SZT2: variants seen among roughly 807,000 people sequenced by gnomAD.
SZT2 encodes SZT2 subunit of KICSTOR complex, also known as KICSTOR complex protein SZT2.
In SZT2, 216 loss-of-function variants were observed where a neutral mutation model predicts 404.2. That is an observed-to-expected ratio of 0.53 (90% CI 0.48 to 0.60). The LOEUF is 0.60. Among genes scored for constraint, SZT2 ranks in the 20% least tolerant of loss-of-function variants. SZT2 has a pLI of 0.00. For synonymous variants in SZT2, 1,693 were observed against 1,749.9 expected (o/e 0.97, Z 0.81); for missense variants, 3,857 against 4,459.2 (o/e 0.86, Z 3.85).
At position 43,441,712 on chromosome 1, in the gene SZT2, G is replaced by A. The variant is rs781456960; in HGVS notation, c.7636G>A (p.Ala2546Thr). Residue 2546 changes from alanine to threonine, a missense_variant, in exon 55 of 72, where the codon GCC (alanine) becomes ACC (threonine). By Grantham distance (58) the Ala-to-Thr change is moderately conservative. Around this residue, in one of 7 missense-constraint regions of SZT2, gnomAD observed 573 missense variants for 592.4 expected, o/e 0.97. Coordinates refer to ENST00000634258, the MANE Select transcript of SZT2 (RefSeq NM_001365999.1). The surrounding 1 kb of genome is among the most constrained non-coding windows in gnomAD (Gnocchi z 4.8). Reference sequence around the variant, plus strand: ...TTGTGCCTCAGTGTCCAGAAGCTCTGCCCACATGGTGTCCCGGTTCCTCCT... The same window carrying A: ...TTGTGCCTCAGTGTCCAGAAGCTCTACCCACATGGTGTCCCGGTTCCTCCT... ...IGCASVSRSS[A>T]HMVSRFLLPS... 1.2e-6 allele frequency: 2 copies of A among 1,614,112 alleles called. No homozygotes were observed. The highest frequency in any genetic ancestry group is 1.1e-5 in the South Asian group (1 of 91,080).
chr1:43,424,728 C>A lies in SZT2; in HGVS notation c.2472-56C>A. Reference sequence around the variant, plus strand: ...GGTGTATGTGGGGAGAGCTTGTAGTCTCAGTGTCTCTTCTTCCCTTATCCT... The same window carrying A: ...GGTGTATGTGGGGAGAGCTTGTAGTATCAGTGTCTCTTCTTCCCTTATCCT... On this transcript the variant is annotated intron_variant, in intron 16 of 71. Transcript: ENST00000634258. The surrounding 1 kb of genome is among the most constrained non-coding windows in gnomAD (Gnocchi z 4.1). 6.8e-7 allele frequency: 1 copy of A among 1,465,936 alleles called. No homozygotes were observed. The highest frequency in any genetic ancestry group is 9.5e-7 in the Non-Finnish European group (1 of 1,048,424). 90.8% of individuals were successfully genotyped at this position (1,465,936 alleles called of 1,614,324 possible). A position where few individuals can be genotyped will look rare whatever the true frequency, so the allele number is the denominator to read the frequency against.
intron 42 of SZT2, 58 bp downstream of exon 42, chr1:43,435,387 C>T (rs1053866887): frequency 1.4e-5 from 22 of 1,595,828 alleles, no homozygotes; most frequent in Admixed American, 6.8e-5. Flanking sequence ...TTTCTTTTAC[C>T]GAATACTCTG....
rs750701634 is a variant in SZT2 at position 43,450,897 on chromosome 1, T to G, written c.*417T>G. ...AGCCTTCGGGTCTTCACTTCCCACT[T>G]GGACATCACTGCTGGACATTCCCAT... On this transcript the variant is annotated 3_prime_UTR_variant, in exon 72 of 72. Transcript: ENST00000634258. The surrounding 1 kb of genome is among the most constrained non-coding windows in gnomAD (Gnocchi z 4.3). 2 of 737,594 alleles carry G rather than the reference T, an allele frequency of 2.7e-6. No homozygotes were observed. The highest frequency in any genetic ancestry group is 3.4e-5 in the Admixed American group (2 of 58,140). The allele number at this position is 737,594 out of a possible 1,614,324, so 45.7% of individuals were successfully genotyped here.
chr1:43,420,779 T>C lies in SZT2; in HGVS notation c.1292T>C (p.Leu431Pro). 1 of 1,598,436 alleles carries C rather than the reference T, an allele frequency of 6.3e-7. No individual in the cohort carries two copies. Among genetic ancestry groups the C allele is most frequent in the Non-Finnish European group, 8.5e-7 (1 of 1,179,806 alleles). Residue 431 changes from leucine to proline, a missense_variant, in exon 10 of 72, where the codon CTG (leucine) becomes CCG (proline). Coordinates refer to ENST00000634258, the MANE Select transcript of SZT2 (RefSeq NM_001365999.1). The surrounding 1 kb of genome is among the most constrained non-coding windows in gnomAD (Gnocchi z 5.1). Reference protein sequence around the residue: ...GGSQLEVKLVLLWKHNMRIEY... With the variant: ...GGSQLEVKLVPLWKHNMRIEY... ...TCCCAATTGGAGGTAAAGCTGGTGC[T>C]GCTGTGGAAACACAACATGCGCATT...
chr1:43,428,127 G>C lies in SZT2; in HGVS notation c.3919+9G>C, dbSNP rs1445463808. ...GCGGTGCTATGTCCGTGGTGAGCAG[G>C]AGGGCCGTGGGAGGGAGGAGTGGGG... On this transcript the variant is annotated intron_variant, in intron 27 of 71. Coordinates refer to ENST00000634258, the MANE Select transcript of SZT2 (RefSeq NM_001365999.1). 1 of 1,613,026 alleles carries C rather than the reference G, an allele frequency of 6.2e-7. No individual in the cohort carries two copies. Among genetic ancestry groups the C allele is most frequent in the Non-Finnish European group, 8.5e-7 (1 of 1,179,172 alleles).
In SZT2 at chr1:43,430,732, G is replaced by C; in HGVS notation, c.4717G>C (p.Val1573Leu). ...GCTCTTCCTGCACCTCACGTGCTCC[G>C]TGCGGCTACGTGGGCAGCACAGCTC... is the stretch of plus-strand genomic sequence containing the variant. ...PPLFLHLTCS[V>L]RLRGQHSSVP... Residue 1573 changes from valine (V) to leucine (L), a missense_variant, in exon 32 of 72, where the codon GTG (valine) becomes CTG (leucine). Val to Leu is a conservative substitution (Grantham distance 32). Transcript: ENST00000634258. The C allele has an allele frequency of 6.2e-7, 1 of 1,612,994 alleles. No homozygotes were observed. Among genetic ancestry groups the C allele is most frequent in the South Asian group, 1.1e-5 (1 of 91,082 alleles).
intron 40 of SZT2, among the ~76,000 whole-genome samples, chr1:43,433,710 G>A (rs1469960628): frequency 2.0e-5 from 3 of 152,212 alleles, no homozygotes; most frequent in Non-Finnish European, 4.4e-5. Context: ...AACCTGGGAG[G>A]TGGAGATTGC....
At chr1:43,411,594 T>C (rs1391996795) in intron 4 of SZT2, among the ~76,000 whole-genome samples, 1 of 152,146 alleles carries the variant, frequency 6.6e-6, no homozygotes, top group Non-Finnish European at 1.5e-5. Flanking sequence ...TTCTCTGCTT[T>C]GCCATGTCTG....
rs1656294310 is a variant in SZT2 at position 43,450,745 on chromosome 1, G to A, written c.*265G>A. On this transcript the variant is annotated 3_prime_UTR_variant, in exon 72 of 72. Coordinates refer to ENST00000634258, the MANE Select transcript of SZT2 (RefSeq NM_001365999.1). This position sits in a 1 kb window ranked among gnomAD's most constrained non-coding sequence, Gnocchi z 4.3. ...CCGAGGACCCCTTGGGCCCTTCTGG[G>A]GTACTCCTTTCGGCCCCCCTGGTAG... 3 of 704,154 alleles carry A rather than the reference G, an allele frequency of 4.3e-6. No homozygotes were observed. The highest frequency in any genetic ancestry group is 1.8e-5 in the Admixed American group (1 of 54,408). The allele number at this position is 704,154 out of a possible 1,614,324, so 43.6% of individuals were successfully genotyped here. A position where few individuals can be genotyped will look rare whatever the true frequency, so the allele number is the denominator to read the frequency against.
At position 43,428,627 on chromosome 1, in the gene SZT2, G is replaced by A. The variant is rs138536492; in HGVS notation, c.4166+141G>A. The stretch of plus-strand genomic sequence containing the variant: ...CAGTAGTGCTTTGTCGCCGGCTCAC[G>A]GACTCCCATGCAGCCTTCCTCACCA... On this transcript the variant is annotated intron_variant, in intron 28 of 71. Coordinates refer to ENST00000634258, the MANE Select transcript of SZT2 (RefSeq NM_001365999.1). The A allele has an allele frequency of 1.4e-3, 1,723 of 1,192,428 alleles. 18 individuals carry two copies. In the African/African-American group the frequency reaches 0.022, roughly 15 times the overall value. The allele number at this position is 1,192,428 out of a possible 1,614,324, so 73.9% of individuals were successfully genotyped here.
intron 4 of SZT2, chr1:43,410,171 A>G (rs1211229440): frequency 2.0e-5 from 3 of 152,224 alleles, no homozygotes; most frequent in African/African-American, 7.2e-5. Context: ...AGTCTCTTCA[A>G]TAAATGGTTC....
In SZT2 at chr1:43,431,368, GAGA is replaced by G. The variant is rs746295696; in HGVS notation, c.5021_5023del (p.Glu1674_Arg1675delinsGly). 3.1e-6 allele frequency: 5 copies of G among 1,612,410 alleles called. No individual in the cohort carries two copies. Among genetic ancestry groups the G allele is most frequent in the Non-Finnish European group, 3.4e-6 (4 of 1,178,548 alleles). ...GCCCCCACTGCCACCCCCAGAAGAG[GAGA>G]GGTACTTCTTTATCTCCCTGTCAGA... On this transcript the variant is annotated inframe_deletion and splice_region_variant, in exon 34 of 72. Coordinates refer to ENST00000634258, the MANE Select transcript of SZT2 (RefSeq NM_001365999.1).
chr1:43,426,483 C>A lies in SZT2; in HGVS notation c.3159C>A (p.Pro1053=), dbSNP rs146741695. The stretch of plus-strand genomic sequence containing the variant: ...GTGACCGGGAGATCCCACTGACCCC[C>A]GTTGACCAGGCTGCCTTCTTGAGTG... ...ELSDREIPLT[P]VDQAAFLSEV... is the part of the protein sequence containing the mutation. The change falls in exon 22 of 72, where the codon CCC becomes CCA. Residue 1053 remains proline (P), a synonymous_variant. Transcript: ENST00000634258. The surrounding 1 kb of genome is among the most constrained non-coding windows in gnomAD (Gnocchi z 4.9). The A allele has an allele frequency of 1.6e-5, 26 of 1,596,654 alleles. No homozygotes were observed. Among genetic ancestry groups the A allele is most frequent in the Middle Eastern group, 1.7e-4 (1 of 6,058 alleles).
At chr1:43,434,626 C>T (rs886742998) in intron 41 of SZT2, 141 bp downstream of exon 41, 10 of 769,080 alleles carry the variant, frequency 1.3e-5, no homozygotes, top group Non-Finnish European at 2.2e-5. Flanking sequence ...TAGTAGGATG[C>T]TGTTTCTCCC....
chr1:43,441,600 T>C lies in SZT2; in HGVS notation c.7608T>C (p.Ile2536=). ...AQRWMEFMVQ[I]GCASVSRSSA... Reference sequence around the variant, plus strand: ...GCTGGATGGAGTTTATGGTTCAGATTGGTGAGACCCCAGCCTCCCCTCCCA... The same window carrying C: ...GCTGGATGGAGTTTATGGTTCAGATCGGTGAGACCCCAGCCTCCCCTCCCA... The change falls in exon 54 of 72, where the codon ATT becomes ATC. Residue 2536 remains isoleucine (I), a splice_region_variant and synonymous_variant. Transcript: ENST00000634258. The surrounding 1 kb of genome is among the most constrained non-coding windows in gnomAD (Gnocchi z 4.8). 6.2e-7 allele frequency: 1 copy of C among 1,614,080 alleles called. No homozygotes were observed. The highest frequency in any genetic ancestry group is 8.5e-7 in the Non-Finnish European group (1 of 1,180,000).
At chr1:43,404,021 G>T (rs1004617285) in intron 3 of SZT2, 7 of 543,544 alleles carry the variant, frequency 1.3e-5, no homozygotes, top group Non-Finnish European at 2.3e-5. Context: ...ACTAGCCTGG[G>T]CCACATGGCA....
At position 43,453,301 on chromosome 1, in the gene SZT2, G is replaced by C. The variant is rs1450315917; in HGVS notation, c.*2821G>C. ...TAAACCAGTGGGCTCAGACTTCTGA[G>C]CGTCTCAGATCTGGCGTCCTCGACT... On this transcript the variant is annotated 3_prime_UTR_variant, in exon 72 of 72. Transcript: ENST00000634258. 1.2e-6 allele frequency: 1 copy of C among 867,700 alleles called. No homozygotes were observed. The highest frequency in any genetic ancestry group is 1.7e-5 in the African/African-American group (1 of 58,830). The allele number at this position is 867,700 out of a possible 1,614,324, so 53.8% of individuals were successfully genotyped here.
In SZT2 at chr1:43,440,582, T is replaced by G. The variant is rs757141522; in HGVS notation, c.7340T>G (p.Met2447Arg). 2 of 1,589,770 alleles carry G rather than the reference T, an allele frequency of 1.3e-6. No individual in the cohort carries two copies. Among genetic ancestry groups the G allele is most frequent in the Non-Finnish European group, 1.7e-6 (2 of 1,169,548 alleles). Residue 2447 changes from methionine (M) to arginine (R), a missense_variant, in exon 52 of 72, where the codon ATG becomes AGG. This residue lies in a region of SZT2 where 573 missense variants were observed against 592.4 expected (regional missense o/e 0.97). Transcript: ENST00000634258. Reference sequence around the variant, plus strand: ...GCGGGCCGGCGTAGCTTCTGGGATATGCTGGTAATGGAAGAAGTGGTGAAG... The same window carrying G: ...GCGGGCCGGCGTAGCTTCTGGGATAGGCTGGTAATGGAAGAAGTGGTGAAG... ...SKAGRRSFWD[M>R]LSKTECGDLG...
In SZT2 at chr1:43,424,319, G is replaced by A; in HGVS notation, c.2358G>A (p.Leu786=). ...CAGGCCGCTCAGCCTCTTCTAGCCT[G>A]GCGTCACTGTCCCGCTACCTCTACC... The part of the protein sequence containing the change: ...LVSGRSASSS[L]ASLSRYLYHQ... The change falls in exon 16 of 72, where the codon CTG becomes CTA. Residue 786 remains leucine (L), a synonymous_variant. Coordinates refer to ENST00000634258, the MANE Select transcript of SZT2 (RefSeq NM_001365999.1). The surrounding 1 kb of genome is among the most constrained non-coding windows in gnomAD (Gnocchi z 4.1). 2.5e-6 allele frequency: 4 copies of A among 1,598,058 alleles called. No individual in the cohort carries two copies. Among genetic ancestry groups the A allele is most frequent in the Non-Finnish European group, 3.4e-6 (4 of 1,179,600 alleles).
Sources: gnomAD v4.1 joint callset for allele counts (sites outside exome capture counted in the v4.1 genomes callset) on GRCh38, gnomAD v4.1.1 for gene constraint, gnomAD v4.1.1 regional missense constraint, Gnocchi (gnomAD v3.1) non-coding constraint, MANE v1.5 for transcripts, NCBI Gene and HGNC (gene_info 2026-07-23, HGNC 2026-07-21) for gene names.